The following EPHB2 variants were observed in gnomAD, a reference collection of about 807,000 sequenced individuals.
The protein encoded by EPHB2 is ephrin type-B receptor 2.
A neutral mutation model predicts 96.4 loss-of-function variants in EPHB2; 18 were observed. That is an observed-to-expected ratio of 0.19 (90% CI 0.13 to 0.28). EPHB2 has a LOEUF of 0.28. Ranked by LOEUF, EPHB2 falls within the 10% of genes least tolerant of loss-of-function variation. The pLI is 1.00. For synonymous variants in EPHB2, 506 were observed against 534.1 expected (o/e 0.95, Z 0.72); for missense variants, 989 against 1,355.4 (o/e 0.73, Z 4.25).
At chr1:22,817,499 C>T (rs562335178) in intron 3 of EPHB2, among the ~76,000 whole-genome samples, 1 of 152,194 alleles carries the variant, frequency 6.6e-6, no homozygotes, top group Non-Finnish European at 1.5e-5. Context: ...GCCACACATG[C>T]CCACAGGCTC....
At chr1:22,739,413 A>G (rs1643878399) in intron 1 of EPHB2, among the ~76,000 whole-genome samples, 1 of 152,004 alleles carries the variant, frequency 6.6e-6, no homozygotes, top group Non-Finnish European at 1.5e-5. Context: ...ATGGGGGTTC[A>G]CCTTGTTGGC....
intron 9 of EPHB2, among the ~76,000 whole-genome samples, chr1:22,898,308 G>A (rs779321070): frequency 6.6e-6 from 1 of 152,094 alleles, no homozygotes; most frequent in Non-Finnish European, 1.5e-5. Context: ...GCTTGGGTTG[G>A]CCTCACTGAC....
intron 3 of EPHB2, among the ~76,000 whole-genome samples, chr1:22,807,402 G>A (rs923118974): frequency 1.3e-5 from 2 of 152,290 alleles, no homozygotes; most frequent in African/African-American, 2.4e-5. Flanking sequence ...CGCTCAGAAC[G>A]GCTTGGTGAC....
chr1:22,803,719 A>C (rs12730148), intron 3 of EPHB2, among the ~76,000 whole-genome samples: 1 of 149,124 alleles, frequency 6.7e-6, no homozygotes, highest in Admixed American at 6.7e-5. Context: ...ATATGTGTAT[A>C]TATATGTATA....
intron 5 of EPHB2, among the ~76,000 whole-genome samples, chr1:22,877,563 A>G (rs1380486629): frequency 6.6e-6 from 1 of 152,014 alleles, no homozygotes; most frequent in Non-Finnish European, 1.5e-5. Context: ...TTCACCTCTC[A>G]TGGAACTCTT....
chr1:22,813,978 C>A (rs1288839651), intron 3 of EPHB2, among the ~76,000 whole-genome samples: 1 of 152,098 alleles, frequency 6.6e-6, no homozygotes, highest in Non-Finnish European at 1.5e-5. Flanking sequence ...GGTTCAAGAC[C>A]AGCCGGCCAA....
At chr1:22,746,365 A>G (rs529927967) in intron 1 of EPHB2, among the ~76,000 whole-genome samples, 58 of 152,324 alleles carry the variant, frequency 3.8e-4, no homozygotes, top group African/African-American at 1.4e-3. Context: ...GGGAGGGTGC[A>G]CCAAGCTGGG....
intron 3 of EPHB2, among the ~76,000 whole-genome samples, chr1:22,787,211 C>T (rs141394102): frequency 3.9e-5 from 6 of 152,180 alleles, no homozygotes; most frequent in Non-Finnish European, 7.4e-5. Context: ...CTACAGTGGG[C>T]GCAGAAAATG....
chr1:22,834,625 C>CA (rs202032340), intron 3 of EPHB2, among the ~76,000 whole-genome samples: 128 of 146,088 alleles, frequency 8.8e-4, no homozygotes, highest in South Asian at 2.0e-3. Flanking sequence ...ACTTTATTTT[C>CA]AAAAAAAAAA....
chr1:22,777,465 G>T (rs1644468567), intron 1 of EPHB2, among the ~76,000 whole-genome samples: 2 of 152,164 alleles, frequency 1.3e-5, no homozygotes, highest in Admixed American at 1.3e-4. Flanking sequence ...GGAGACGTCT[G>T]GTGTGTTACA....
At chr1:22,787,071 A>C (rs1188904637) in intron 3 of EPHB2, among the ~76,000 whole-genome samples, 1 of 152,218 alleles carries the variant, frequency 6.6e-6, no homozygotes, top group African/African-American at 2.4e-5. Context: ...TATGTTGAGC[A>C]TCAGGCAGTA....
chr1:22,862,765 A>G (rs1638311564), intron 3 of EPHB2, among the ~76,000 whole-genome samples: 1 of 152,196 alleles, frequency 6.6e-6, no homozygotes, highest in African/African-American at 2.4e-5. Flanking sequence ...TTGATTCTAG[A>G]GACCATGACA....
chr1:22,896,397 T>C lies in EPHB2; in HGVS notation c.1701-17T>C, dbSNP rs1639564015. Reference sequence around the variant, plus strand: ...GCGCCTTCAGGTGGCTCCAGCCCTTTGCTCTTGTTCCAGAAGACGGGGGTT... The same window carrying C: ...GCGCCTTCAGGTGGCTCCAGCCCTTCGCTCTTGTTCCAGAAGACGGGGGTT... On this transcript the variant is annotated splice_polypyrimidine_tract_variant and intron_variant, in intron 8 of 15. Transcript: ENST00000374630. 1 of 1,614,012 alleles carries C rather than the reference T, an allele frequency of 6.2e-7. No individual in the cohort carries two copies. The highest frequency in any genetic ancestry group is 1.7e-5 in the Admixed American group (1 of 60,006).
intron 3 of EPHB2, among the ~76,000 whole-genome samples, chr1:22,794,641 A>G (rs1644742321): frequency 6.6e-6 from 1 of 152,132 alleles, no homozygotes; most frequent in Non-Finnish European, 1.5e-5. Flanking sequence ...GTCACCCTAC[A>G]GGGTTAGATA....
intron 1 of EPHB2, among the ~76,000 whole-genome samples, chr1:22,741,679 C>CAAATAAAAAAAAA (rs1643904102): frequency 1.4e-5 from 1 of 73,882 alleles, no homozygotes; most frequent in African/African-American, 4.4e-5. Context: ...TTCTTCCCAG[C>CAAATAAAAAAAAA]AAAAAAAAAC....
chr1:22,741,735 G>A (rs539566135), intron 1 of EPHB2, among the ~76,000 whole-genome samples: 1 of 149,782 alleles, frequency 6.7e-6, no homozygotes, highest in Non-Finnish European at 1.5e-5. Context: ...CTGGCTCAGT[G>A]CAATAACGAA....
intron 3 of EPHB2, among the ~76,000 whole-genome samples, chr1:22,806,376 G>A (rs1224379863): frequency 6.6e-6 from 1 of 152,154 alleles, no homozygotes; most frequent in Non-Finnish European, 1.5e-5. Context: ...TCCTTGAACC[G>A]CAGGAATTGC....
rs77655869 is a variant in EPHB2, at chr1:22,829,877, G to A, written c.812-33160G>A. On this transcript the variant is annotated intron_variant, in intron 3 of 15. Transcript: ENST00000374630. ...CCCAGGAGACAGCCGCATGTGATGT[G>A]TTCAGGAATCATTAGGAGCTTTTGT... Among the ~76,000 whole-genome samples, 75 of 152,318 alleles carry A rather than the reference G, an allele frequency of 4.9e-4. No individual in the cohort carries two copies. In the East Asian group the frequency reaches 0.014, roughly 28 times the overall value.
chr1:22,798,978 G>A (rs550112376), intron 3 of EPHB2, among the ~76,000 whole-genome samples: 1 of 152,280 alleles, frequency 6.6e-6, no homozygotes, highest in Admixed American at 6.5e-5. Flanking sequence ...GGTAATGGAT[G>A]AGCCTTCAGT....
Sources: gnomAD v4.1 joint callset for allele counts (sites outside exome capture counted in the v4.1 genomes callset) on GRCh38, gnomAD v4.1.1 for gene constraint, MANE v1.5 for transcripts, NCBI Gene and HGNC (gene_info 2026-07-23, HGNC 2026-07-21) for gene names.